The following SLC7A10 variants were observed in gnomAD, a reference collection of about 807,000 sequenced individuals.
SLC7A10 encodes the protein solute carrier family 7 member 10.
Under a neutral mutation model 52.7 loss-of-function variants are expected in SLC7A10, and 30 were observed. The ratio of observed to expected loss-of-function variants is 0.57; its 90% confidence interval spans 0.43 to 0.77. SLC7A10 has a LOEUF of 0.77. Among genes scored for constraint, SLC7A10 ranks in the 30% least tolerant of loss-of-function variants. The probability of loss-of-function intolerance (pLI) is 0.00; values close to 1 mark genes in which losing one functional copy is unlikely to be tolerated. For missense variants in SLC7A10, 581 were observed against 698.5 expected, an observed-to-expected ratio of 0.83 and a Z score of 1.90; for synonymous variants, 318 against 314.9, an observed-to-expected ratio of 1.01 and a Z score of -0.10.
At chr19:33,209,243 A>C (rs1317860465) in intron 10 of SLC7A10, 65 bp downstream of exon 10, 7 of 1,604,018 alleles carry the variant, frequency 4.4e-6, no homozygotes, top group South Asian at 3.3e-5. Flanking sequence ...TGAGCCTCTA[A>C]GAGGGAGGTC....
At chr19:33,224,001 C>T (rs1474339244) in intron 1 of SLC7A10, among the ~76,000 whole-genome samples, 1 of 146,754 alleles carries the variant, frequency 6.8e-6, no homozygotes, top group Admixed American at 6.7e-5. Context: ...GGGCCCCTTT[C>T]TGGGGAGAAA....
At chr19:33,221,646 C>T (rs1030563987) in intron 1 of SLC7A10, among the ~76,000 whole-genome samples, 2 of 152,166 alleles carry the variant, frequency 1.3e-5, no homozygotes, top group Non-Finnish European at 2.9e-5. Context: ...AGCCCAGCCA[C>T]CTGCAGCCCT....
intron 1 of SLC7A10, among the ~76,000 whole-genome samples, chr19:33,222,056 C>T (rs1238533400): frequency 3.3e-5 from 5 of 152,154 alleles, no homozygotes; most frequent in South Asian, 2.1e-4. Context: ...AACCCTCCCC[C>T]GTCAGGGCTC....
intron 1 of SLC7A10, among the ~76,000 whole-genome samples, chr19:33,224,672 G>A (rs1303280522): frequency 1.3e-5 from 2 of 152,182 alleles, no homozygotes; most frequent in Non-Finnish European, 2.9e-5. Context: ...GTCCCTCCCT[G>A]GAGGGGCTCA....
At chr19:33,215,654 A>AGCCCCCCCACCTTCTCCCCATCCAC in intron 2 of SLC7A10, 115 bp downstream of exon 2, 1 of 716,184 alleles carries the variant, frequency 1.4e-6, no homozygotes, top group Non-Finnish European at 1.8e-6. Context: ...CTCTCCATCC[A>AGCCCCCCCACCTTCTCCCCATCCAC]CCCCCACGAC....
intron 1 of SLC7A10, among the ~76,000 whole-genome samples, chr19:33,218,231 C>T (rs750755830): frequency 6.6e-5 from 10 of 152,130 alleles, no homozygotes; most frequent in Non-Finnish European, 1.2e-4. Context: ...CCACATCTGG[C>T]ACCCTATCTT....
At chr19:33,211,771 C>A in intron 5 of SLC7A10, 2 of 647,842 alleles carry the variant, frequency 3.1e-6, no homozygotes, top group Non-Finnish European at 5.2e-6. Context: ...CCCATCACAT[C>A]CTGAGGACAG....
chr19:33,215,631 C>CCCCCACACCGTCTCTCCATCCAG, intron 2 of SLC7A10, 138 bp downstream of exon 2: 1 of 444,188 alleles, frequency 2.3e-6, no homozygotes, highest in African/African-American at 3.1e-5. Context: ...TCTCCATCCA[C>CCCCCACACCGTCTCTCCATCCAG]CCCCCACACC....
intron 1 of SLC7A10, among the ~76,000 whole-genome samples, chr19:33,224,347 C>A (rs1051834155): frequency 4.6e-5 from 7 of 152,094 alleles, no homozygotes; most frequent in African/African-American, 1.7e-4. Context: ...GCTCCCAGGG[C>A]CAGGTCAGGA....
chr19:33,212,931 G>A lies in SLC7A10; in HGVS notation c.428C>T (p.Ser143Phe). 1 of 1,614,188 alleles carries A rather than the reference G, an allele frequency of 6.2e-7. No homozygotes were observed. The highest frequency in any genetic ancestry group is 1.7e-5 in the Admixed American group (1 of 60,026). Residue 143 changes from serine to phenylalanine, a missense_variant, in exon 3 of 11, where the codon TCC becomes TTC. Coordinates refer to ENST00000253188, the MANE Select transcript of SLC7A10 (RefSeq NM_019849.3). The stretch of plus-strand genomic sequence containing the variant: ...GAACACGGGCTGCAGCACGTAGTTG[G>A]AGAAGGTCATGGAGATGACAGCAAG... The part of the protein sequence containing the change: ...TSLAVISMTF[S>F]NYVLQPVFPN...
chr19:33,210,754 G>C lies in SLC7A10; in HGVS notation c.1113+48C>G, dbSNP rs763822165. On this transcript the variant is annotated intron_variant, in intron 8 of 10. Coordinates refer to ENST00000253188, the MANE Select transcript of SLC7A10 (RefSeq NM_019849.3). The surrounding 1 kb of genome is among the most constrained non-coding windows in gnomAD (Gnocchi z 5.6). Reference sequence around the variant, plus strand: ...ATTACCCGGAAGGTCCTGCATTGCCGGGTAGCCCTGCCTCCACGCCCTGCC... The same window carrying C: ...ATTACCCGGAAGGTCCTGCATTGCCCGGTAGCCCTGCCTCCACGCCCTGCC... 9.3e-6 allele frequency: 15 copies of C among 1,609,346 alleles called. No homozygotes were observed. The highest frequency in any genetic ancestry group is 1.3e-5 in the Non-Finnish European group (15 of 1,177,170).
chr19:33,210,873 C>T lies in SLC7A10; in HGVS notation c.1042G>A (p.Gly348Arg), dbSNP rs761499897. 4 of 1,613,278 alleles carry T rather than the reference C, an allele frequency of 2.5e-6. No individual in the cohort carries two copies. In the Admixed American group the frequency reaches 6.7e-5, roughly 27 times the overall value. The change falls in exon 8 of 11, where the codon GGG (glycine) becomes AGG (arginine). Residue 348 changes from glycine to arginine, a missense_variant. By Grantham distance (125) the Gly-to-Arg change is moderately radical (BLOSUM62 -2). Coordinates refer to ENST00000253188, the MANE Select transcript of SLC7A10 (RefSeq NM_019849.3). The surrounding 1 kb of genome is among the most constrained non-coding windows in gnomAD (Gnocchi z 5.6). Reference protein sequence around the residue: ...SRLCFSGAREGHLPSLLAMIH... With the variant: ...SRLCFSGARERHLPSLLAMIH... ...ATGGCCAGCAGGCTGGGCAGGTGCC[C>T]CTCGCGGGCTCCAGAGAAGCACAGC...
At chr19:33,216,906 G>A (rs537968306) in intron 1 of SLC7A10, among the ~76,000 whole-genome samples, 13 of 151,876 alleles carry the variant, frequency 8.6e-5, no homozygotes, top group South Asian at 8.3e-4. Flanking sequence ...ACAGGGTCTC[G>A]CTCTGCCACC....
intron 2 of SLC7A10, among the ~76,000 whole-genome samples, chr19:33,213,278 TTTC>T (rs1974598709): frequency 6.7e-6 from 1 of 149,686 alleles, no homozygotes. Flanking sequence ...ACCAAACGCT[TTTC>T]TTTTCTTTTT....
chr19:33,209,355 A>G lies in SLC7A10; in HGVS notation c.1394T>C (p.Leu465Pro). ...IILTGVPIFF[L>P]GVFWRSKPKC... Reference sequence around the variant, plus strand: ...TGGTTTGCTTCTCCAGAACACTCCCAGAAAGAAAATGGGCACCCCCGTAAG... The same window carrying G: ...TGGTTTGCTTCTCCAGAACACTCCCGGAAAGAAAATGGGCACCCCCGTAAG... The change falls in exon 10 of 11, where the codon CTG becomes CCG. Residue 465 changes from leucine to proline, a missense_variant. Leu to Pro is a moderately conservative substitution (Grantham distance 98). Coordinates refer to ENST00000253188, the MANE Select transcript of SLC7A10 (RefSeq NM_019849.3). The G allele has an allele frequency of 1.2e-6, 2 of 1,614,094 alleles. No homozygotes were observed. The highest frequency in any genetic ancestry group is 1.7e-6 in the Non-Finnish European group (2 of 1,180,010).
In SLC7A10 at chr19:33,210,600, A is replaced by T; in HGVS notation, c.1130T>A (p.Val377Asp). Residue 377 changes from valine (V) to aspartate (D), a missense_variant, in exon 9 of 11, where the codon GTC becomes GAC. Coordinates refer to ENST00000253188, the MANE Select transcript of SLC7A10 (RefSeq NM_019849.3). This position sits in a 1 kb window ranked among gnomAD's most constrained non-coding sequence, Gnocchi z 5.6. ...ALLVCCGATA[V>D]IMLVGDTYTL... ...GTACGTGTCGCCCACGAGCATGATG[A>T]CGGCTGTGGCCCCGCACTGGGAGAG... 1.2e-6 allele frequency: 2 copies of T among 1,611,734 alleles called. No individual in the cohort carries two copies. Among genetic ancestry groups the T allele is most frequent in the Non-Finnish European group, 8.5e-7 (1 of 1,179,930 alleles).
intron 1 of SLC7A10, among the ~76,000 whole-genome samples, chr19:33,223,309 G>GAAAAAAA (rs59600246): frequency 1.7e-5 from 2 of 117,338 alleles, no homozygotes; most frequent in African/African-American, 6.4e-5. Context: ...CTCTGTCTCA[G>GAAAAAAA]AAAAAAAAAA....
rs749173791 is a variant in SLC7A10, at chr19:33,208,777, C to T, written c.*114G>A. 31 of 1,415,156 alleles carry T rather than the reference C, an allele frequency of 2.2e-5. No homozygotes were observed. Among genetic ancestry groups the T allele is most frequent in the East Asian group, 9.4e-5 (4 of 42,648 alleles). The allele number at this position is 1,415,156 out of a possible 1,614,324, so 87.7% of individuals were successfully genotyped here. A position where few individuals can be genotyped will look rare whatever the true frequency, so the allele number is the denominator to read the frequency against. ...CTTCCTTAAACAGGCTTCTGAGAGT[C>T]GTATCTTTTTTCTTTTTTTTCCAGA... On this transcript the variant is annotated 3_prime_UTR_variant, in exon 11 of 11. Transcript: ENST00000253188. The surrounding 1 kb of genome is among the most constrained non-coding windows in gnomAD (Gnocchi z 4.7).
chr19:33,213,033 G>A, intron 2 of SLC7A10, 31 bp from the exon 3 acceptor site: 1 of 1,566,180 alleles, frequency 6.4e-7, no homozygotes, highest in Non-Finnish European at 8.7e-7. Flanking sequence ...AGTGGCTCAA[G>A]CTGCCCAGAG....
Sources: allele counts gnomAD v4.1 joint callset (sites outside exome capture counted in the v4.1 genomes callset), GRCh38; gene constraint gnomAD v4.1.1; non-coding constraint Gnocchi (gnomAD v3.1); transcripts MANE v1.5; gene names NCBI Gene and HGNC (gene_info 2026-07-23, HGNC 2026-07-21).